Variants in ODAD3 observed in about 807,000 individuals in gnomAD.
ODAD3 encodes outer dynein arm docking complex subunit 3.
Under a neutral mutation model 70.9 loss-of-function variants are expected in ODAD3, and 57 were observed. The ratio of observed to expected loss-of-function variants is 0.80; its 90% CI spans 0.65 to 1.00. The LOEUF (loss-of-function observed/expected upper bound fraction) is 1.00, where lower values mean the gene tolerates loss of function less well. ODAD3 is among the 50% of genes least tolerant of loss of function. The pLI is 0.00. For synonymous variants in ODAD3, 327 were observed against 315.9 expected (o/e 1.04, Z -0.37); for missense variants, 797 against 763.9 (o/e 1.04, Z -0.51).
chr19:11,424,226 G>A (rs970181728), intron 7 of ODAD3, among the ~76,000 whole-genome samples, 197 bp from the exon 8 acceptor site: 60 of 152,114 alleles, frequency 3.9e-4, no homozygotes, highest in Non-Finnish European at 7.2e-4. Context: ...GCGCGGGGGC[G>A]GTGGCTGTGG....
chr19:11,422,025 T>G lies in ODAD3; in HGVS notation c.1435-193A>C, dbSNP rs1327359742. Among the ~76,000 whole-genome samples, 1 of 151,988 alleles carries G rather than the reference T, an allele frequency of 6.6e-6. No homozygotes were observed. Among genetic ancestry groups the G allele is most frequent in the Non-Finnish European group, 1.5e-5 (1 of 67,976 alleles). ...GATGGGGGAGCCTCTGAACTCTAAC[T>G]CTATATGTAAAGGTTTCGGGGAGGC... On this transcript the variant is annotated intron_variant, in intron 10 of 12. Transcript: ENST00000356392. This position sits in a 1 kb window ranked among gnomAD's most constrained non-coding sequence, Gnocchi z 4.6.
In ODAD3 at chr19:11,426,194, T is replaced by C; in HGVS notation, c.913A>G (p.Lys305Glu). The C allele has an allele frequency of 6.2e-7, 1 of 1,613,702 alleles. No individual in the cohort carries two copies. The highest frequency in any genetic ancestry group is 8.5e-7 in the Non-Finnish European group (1 of 1,179,874). ...KKRERYISEC[K>E]KRAEEKKLEN... ...AGTTTCTTCTCCTCGGCGCGCTTCTTGCACTCACTTATGTAGCGTTCCCGC... is the reference window on the plus strand; with the variant it reads ...AGTTTCTTCTCCTCGGCGCGCTTCTCGCACTCACTTATGTAGCGTTCCCGC... The change falls in exon 7 of 13, where the codon AAG (lysine) becomes GAG (glutamate). Residue 305 changes from lysine to glutamate, a missense_variant. Transcript: ENST00000356392.
rs1247452597 is a variant in ODAD3 at position 11,421,737 on chromosome 19, C to A, written c.1530G>T (p.Leu510=). The A allele has an allele frequency of 1.9e-6, 3 of 1,613,456 alleles. No homozygotes were observed. Among genetic ancestry groups the A allele is most frequent in the Non-Finnish European group, 2.5e-6 (3 of 1,179,994 alleles). Residue 510 remains leucine (L), a synonymous_variant, in exon 11 of 13, where the codon CTG becomes CTT. Transcript: ENST00000356392. ...LGLVEEKLLK[L]QAQLQGHDVQ... ...CGTCGTGGCCCTGGAGCTGCGCCTG[C>A]AGTTTCAGCAGCTTTTCCTCCACGA...
Position 11,422,357 on chromosome 19 carries a change from G to A in ODAD3, c.1434+114C>T. 3.9e-6 allele frequency: 5 copies of A among 1,288,018 alleles called. No individual in the cohort carries two copies. Among genetic ancestry groups the A allele is most frequent in the Non-Finnish European group, 5.2e-6 (5 of 967,430 alleles). 79.8% of individuals were successfully genotyped at this position (1,288,018 alleles called of 1,614,324 possible). On this transcript the variant is annotated intron_variant, in intron 10 of 12. Transcript: ENST00000356392. The surrounding 1 kb of genome is among the most constrained non-coding windows in gnomAD (Gnocchi z 4.6). ...GGGGCCTCTGACGTCCGGGACAGAG[G>A]ATGTGGCAGGCCACGTTCCCTCGGG...
intron 7 of ODAD3, among the ~76,000 whole-genome samples, chr19:11,425,137 GTA>G (rs1969276550): frequency 7.8e-6 from 1 of 128,642 alleles, no homozygotes. Flanking sequence ...GTGTATATGT[GTA>G]TATGTACATA....
In ODAD3 at chr19:11,422,578, G is replaced by A. The variant is rs752759872; in HGVS notation, c.1327C>T (p.Arg443Trp). 115 of 1,592,388 alleles carry A rather than the reference G, an allele frequency of 7.2e-5. No individual in the cohort carries two copies. Among genetic ancestry groups the A allele is most frequent in the Non-Finnish European group, 9.7e-5 (114 of 1,172,052 alleles). Residue 443 changes from arginine (R) to tryptophan (W), a missense_variant, in exon 10 of 13, where the codon CGG (arginine) becomes TGG (tryptophan). Transcript: ENST00000356392. This position sits in a 1 kb window ranked among gnomAD's most constrained non-coding sequence, Gnocchi z 4.6. Reference sequence around the variant, plus strand: ...TGGTCCTTGGCCTCGGCGTGCCGCCGCTCCTCCTTCTTGAGACGCTCCTGC... The same window carrying A: ...TGGTCCTTGGCCTCGGCGTGCCGCCACTCCTCCTTCTTGAGACGCTCCTGC... ...EAQERLKKEE[R>W]RHAEAKDQLE... is the part of the protein sequence containing the mutation.
rs1969366153 is a variant in ODAD3 at position 11,426,126 on chromosome 19, ACCCCTGGGTGCG to A, written c.963+6_963+17del. The stretch of plus-strand genomic sequence containing the variant: ...GGCTGGGCTGGAGTCACAGGCGCGC[ACCCCTGGGTGCG>A]CCCACCTTGCGCTCCATGCGCTCGT... On this transcript the variant is annotated splice_donor_region_variant and intron_variant, in intron 7 of 12. Coordinates refer to ENST00000356392, the MANE Select transcript of ODAD3 (RefSeq NM_145045.5). 1 of 1,598,752 alleles carries A rather than the reference ACCCCTGGGTGCG, an allele frequency of 6.3e-7. No homozygotes were observed. Among genetic ancestry groups the A allele is most frequent in the Non-Finnish European group, 8.5e-7 (1 of 1,176,202 alleles).
intron 3 of ODAD3, among the ~76,000 whole-genome samples, chr19:11,429,784 C>T (rs1442924038): frequency 1.3e-5 from 2 of 151,986 alleles, no homozygotes; most frequent in Admixed American, 1.3e-4. Context: ...GTGATCCACC[C>T]GCCTCGGTTT....
chr19:11,434,665 A>C, intron 1 of ODAD3, 108 bp downstream of exon 1: 11 of 1,422,996 alleles, frequency 7.7e-6, no homozygotes, highest in Non-Finnish European at 1.0e-5. Flanking sequence ...GTTTTTGCCC[A>C]GAAACGGTTT....
At position 11,430,922 on chromosome 19, in the gene ODAD3, G is replaced by C; in HGVS notation, c.343C>G (p.Leu115Val). ...ACCTTGAGCAGGTCCAGCAGCTTTA[G>C]TTCCAGTGCCTTAGTCTCCTTGCGG... ...QLRKETKALE[L>V]KLLDLLKGDE... The change falls in exon 2 of 13, where the codon CTA becomes GTA. Residue 115 changes from leucine to valine, a missense_variant. Transcript: ENST00000356392. 6.2e-6 allele frequency: 10 copies of C among 1,614,040 alleles called. No homozygotes were observed. The highest frequency in any genetic ancestry group is 8.5e-6 in the Non-Finnish European group (10 of 1,180,014).
intron 1 of ODAD3, chr19:11,434,561 T>G (rs772989899): frequency 2.7e-6 from 1 of 372,524 alleles, no homozygotes; most frequent in Non-Finnish European, 4.5e-6. Context: ...ATAGAGAAAA[T>G]AAATTACAAG....
In ODAD3 at chr19:11,420,764, G is replaced by A. The variant is rs1425812852; in HGVS notation, c.*71C>T. On this transcript the variant is annotated 3_prime_UTR_variant, in exon 13 of 13. Coordinates refer to ENST00000356392, the MANE Select transcript of ODAD3 (RefSeq NM_145045.5). ...CGCGTTCAGCCCCTGAAGGGGCCCC[G>A]TGGGGCCTGCGCTAGACCCGGAGGG... The A allele has an allele frequency of 1.7e-5, 24 of 1,413,562 alleles. No homozygotes were observed. The South Asian group carries it at 2.4e-4, about 14-fold the overall frequency. 87.6% of individuals were successfully genotyped at this position (1,413,562 alleles called of 1,614,324 possible).
In ODAD3 at chr19:11,423,862, G is replaced by C; in HGVS notation, c.1116+15C>G. ...GGGGGGGGGCGCGGCGGAGAGGGCT[G>C]CGGGCAGAACTCACGTGCGTCTCGT... On this transcript the variant is annotated intron_variant, in intron 8 of 12. Coordinates refer to ENST00000356392, the MANE Select transcript of ODAD3 (RefSeq NM_145045.5). 1 of 1,596,966 alleles carries C rather than the reference G, an allele frequency of 6.3e-7. No individual in the cohort carries two copies. Among genetic ancestry groups the C allele is most frequent in the Non-Finnish European group, 8.5e-7 (1 of 1,170,780 alleles).
At position 11,422,909 on chromosome 19, in the gene ODAD3, G is replaced by A. The variant is rs772919118; in HGVS notation, c.1117-48C>T. On this transcript the variant is annotated intron_variant, in intron 8 of 12. Transcript: ENST00000356392. This position sits in a 1 kb window ranked among gnomAD's most constrained non-coding sequence, Gnocchi z 4.6. ...CAGAGCCAGGGCCTAGGGAGCGTAG[G>A]GGCGCTCCACCTCCTCTCCCCCACC... 6.3e-7 allele frequency: 1 copy of A among 1,575,678 alleles called. No homozygotes were observed. Among genetic ancestry groups the A allele is most frequent in the East Asian group, 2.2e-5 (1 of 44,482 alleles).
rs1399756063 is a variant in ODAD3 at position 11,420,922 on chromosome 19, G to A, written c.1701C>T (p.Asn567=). ...FFDEESEEED[N]EVVTRASLKI... The stretch of plus-strand genomic sequence containing the variant: ...TGAGTGATGCGCGGGTCACTACCTC[G>A]TTGTCCTCCTCCTCACTCTCTTCGT... The change falls in exon 13 of 13, where the codon AAC becomes AAT. Residue 567 remains asparagine, a synonymous_variant. Transcript: ENST00000356392. The A allele has an allele frequency of 2.5e-6, 4 of 1,613,794 alleles. No homozygotes were observed. The highest frequency in any genetic ancestry group is 1.7e-4 in the Middle Eastern group (1 of 6,060).
At chr19:11,429,855 TA>T (rs1415292230) in intron 3 of ODAD3, among the ~76,000 whole-genome samples, 1 of 148,380 alleles carries the variant, frequency 6.7e-6, no homozygotes. Context: ...TTTTTTTTTT[TA>T]AAGAAACAGG....
chr19:11,433,235 G>C (rs1969538212), intron 1 of ODAD3, among the ~76,000 whole-genome samples: 2 of 151,980 alleles, frequency 1.3e-5, no homozygotes, highest in Non-Finnish European at 2.9e-5. Flanking sequence ...ATGTTGGGCA[G>C]CATCTTCAAC....
intron 3 of ODAD3, 118 bp from the exon 4 acceptor site, chr19:11,427,158 C>T: frequency 8.9e-7 from 1 of 1,128,922 alleles, no homozygotes; most frequent in Non-Finnish European, 1.2e-6. Context: ...CTCCCGTTTT[C>T]TACCCACCTC....
chr19:11,421,933 T>C (rs1010552729), intron 10 of ODAD3, 101 bp from the exon 11 acceptor site: 6 of 1,353,458 alleles, frequency 4.4e-6, no homozygotes, highest in Non-Finnish European at 6.0e-6. Context: ...GCCTAGGAGG[T>C]AAGGGCCCAC....
Sources: allele counts gnomAD v4.1 joint callset (sites outside exome capture counted in the v4.1 genomes callset), GRCh38; gene constraint gnomAD v4.1.1; non-coding constraint Gnocchi (gnomAD v3.1); transcripts MANE v1.5; gene names NCBI Gene and HGNC (gene_info 2026-07-23, HGNC 2026-07-21).